Variants in IL1RAPL2 observed in about 807,000 individuals in gnomAD.
The protein encoded by IL1RAPL2 is interleukin 1 receptor accessory protein like 2.
In IL1RAPL2, 3 loss-of-function variants were observed where a neutral mutation model predicts 44.1. The observed-to-expected ratio is 0.07, with a 90% confidence interval of 0.03 to 0.18. IL1RAPL2 has a LOEUF of 0.18. IL1RAPL2 is among the 10% of genes least tolerant of loss of function. The pLI is 1.00. For synonymous variants in IL1RAPL2, 181 were observed against 178.8 expected (o/e 1.01, Z -0.10); for missense variants, 391 against 496.4 (o/e 0.79, Z 2.02).
chrX:104,814,822 G>A (rs1012945379), intron 2 of IL1RAPL2, among the ~76,000 whole-genome samples: 1 of 112,107 alleles, frequency 8.9e-6, no homozygotes, highest in Admixed American at 9.5e-5. Context: ...GCCAAGAAAT[G>A]TTCTTAATGA....
intron 5 of IL1RAPL2, among the ~76,000 whole-genome samples, chrX:105,479,246 T>A (rs1238765951): frequency 9.0e-6 from 1 of 111,586 alleles, no homozygotes. Flanking sequence ...GGCAAGTTAT[T>A]TGTAAAATGT....
chrX:105,525,879 C>A (rs1484831476), intron 6 of IL1RAPL2, among the ~76,000 whole-genome samples: 1 of 111,583 alleles, frequency 9.0e-6, no homozygotes, highest in Non-Finnish European at 1.9e-5. Flanking sequence ...ACAAGTTGCC[C>A]CTGTCCCATG....
chrX:105,231,966 C>T (rs1411762722), intron 3 of IL1RAPL2, among the ~76,000 whole-genome samples: 5 of 112,227 alleles, frequency 4.5e-5, no homozygotes, highest in African/African-American at 1.3e-4. Flanking sequence ...AGAGGCTGTC[C>T]AATGTCTGAC....
At chrX:104,634,556 A>G (rs952082167) in intron 1 of IL1RAPL2, among the ~76,000 whole-genome samples, 5 of 111,980 alleles carry the variant, frequency 4.5e-5, no homozygotes, top group African/African-American at 9.7e-5. Flanking sequence ...TATTTAGGAT[A>G]GTTAGCTCTT....
intron 2 of IL1RAPL2, among the ~76,000 whole-genome samples, chrX:105,151,511 C>T (rs185775098): frequency 0.087 from 9,472 of 108,664 alleles, 997 homozygotes; most frequent in African/African-American, 0.3. Context: ...GAAGGTTTTT[C>T]TGTTTTTTTT....
chrX:105,515,432 C>A (rs1163930276), intron 6 of IL1RAPL2, among the ~76,000 whole-genome samples: 2 of 111,596 alleles, frequency 1.8e-5, no homozygotes, highest in Non-Finnish European at 3.8e-5. Flanking sequence ...GCTAATTTCC[C>A]AGCTTCACCA....
At chrX:105,155,488 G>T (rs770541140) in intron 2 of IL1RAPL2, among the ~76,000 whole-genome samples, 54 of 111,172 alleles carry the variant, frequency 4.9e-4, no homozygotes, top group Admixed American at 3.4e-3. Flanking sequence ...GAAAAATGAG[G>T]TTGAAAATAT....
chrX:105,042,867 G>A (rs1485313838), intron 2 of IL1RAPL2, among the ~76,000 whole-genome samples: 3 of 106,915 alleles, frequency 2.8e-5, no homozygotes, highest in Non-Finnish European at 5.8e-5. Context: ...AGAAAATGTG[G>A]CACATATACA....
chrX:105,195,040 T>C (rs1200942499), intron 2 of IL1RAPL2, among the ~76,000 whole-genome samples: 1 of 110,303 alleles, frequency 9.1e-6, no homozygotes, highest in Non-Finnish European at 1.9e-5. Context: ...GGGGCTCCTG[T>C]CTATATAAAC....
chrX:104,578,177 C>T (rs1421153390), intron 1 of IL1RAPL2, among the ~76,000 whole-genome samples: 2 of 111,790 alleles, frequency 1.8e-5, no homozygotes, highest in South Asian at 3.9e-4. Context: ...AATCAGAGTT[C>T]TTTGAAGAAA....
chrX:105,316,710 A>G (rs16984707), intron 5 of IL1RAPL2, among the ~76,000 whole-genome samples: 12,542 of 111,670 alleles, frequency 0.11, 1,728 homozygotes, highest in African/African-American at 0.39. Context: ...GGAGGCAGAG[A>G]TTAATAGGAG....
chrX:104,587,935 T>C (rs1928593067), intron 1 of IL1RAPL2, among the ~76,000 whole-genome samples: 1 of 112,142 alleles, frequency 8.9e-6, no homozygotes, highest in Non-Finnish European at 1.9e-5. Flanking sequence ...ATTCATTATG[T>C]AACTGGTGCT....
At chrX:104,950,092 A>G (rs1161768222) in intron 2 of IL1RAPL2, among the ~76,000 whole-genome samples, 2 of 110,998 alleles carry the variant, frequency 1.8e-5, no homozygotes, top group Non-Finnish European at 3.8e-5. Flanking sequence ...TGCTTTATGA[A>G]TCTGGGTGCT....
At chrX:104,957,212 T>C (rs1428660382) in intron 2 of IL1RAPL2, among the ~76,000 whole-genome samples, 2 of 111,459 alleles carry the variant, frequency 1.8e-5, no homozygotes, top group African/African-American at 3.3e-5. Context: ...TGCTAAAGAG[T>C]AGAGGCACCA....
intron 2 of IL1RAPL2, among the ~76,000 whole-genome samples, chrX:105,093,424 T>C (rs1334600821): frequency 9.0e-6 from 1 of 111,310 alleles, no homozygotes; most frequent in Non-Finnish European, 1.9e-5. Context: ...GTGTCTCCAA[T>C]CACAGTATAG....
intron 6 of IL1RAPL2, among the ~76,000 whole-genome samples, chrX:105,566,198 A>AAG (rs987624525): frequency 1.8e-5 from 2 of 111,119 alleles, no homozygotes; most frequent in Non-Finnish European, 3.8e-5. Flanking sequence ...AACCCAGGAA[A>AAG]AGAGAGAGAG....
At chrX:105,034,091 T>C (rs1368666045) in intron 2 of IL1RAPL2, among the ~76,000 whole-genome samples, 1 of 112,111 alleles carries the variant, frequency 8.9e-6, no homozygotes, top group African/African-American at 3.2e-5. Context: ...CTTTAAGGAC[T>C]TCTCTGCATT....
chrX:105,303,997 G>C (rs2034715777), intron 5 of IL1RAPL2, among the ~76,000 whole-genome samples: 1 of 112,741 alleles, frequency 8.9e-6, no homozygotes, highest in East Asian at 2.8e-4. Context: ...GCAATGCCCT[G>C]CCAGCAAGTG....
intron 6 of IL1RAPL2, among the ~76,000 whole-genome samples, chrX:105,654,979 A>C (rs2037667595): frequency 8.9e-6 from 1 of 112,028 alleles, no homozygotes. Context: ...GGTAGGCAGA[A>C]GCCCCCGGGA....
Sources: allele counts gnomAD v4.1 joint callset (sites outside exome capture counted in the v4.1 genomes callset), GRCh38; gene constraint gnomAD v4.1.1; transcripts MANE v1.5; gene names NCBI Gene and HGNC (gene_info 2026-07-23, HGNC 2026-07-21).